MGA: variants seen among roughly 807,000 people sequenced by gnomAD.
The protein encoded by MGA is MAX dimerization protein MGA.
Under a neutral mutation model 261.1 loss-of-function variants are expected in MGA, and 40 were observed. The ratio of observed to expected loss-of-function variants is 0.15; its 90% confidence interval spans 0.12 to 0.20. The LOEUF is 0.20. Among genes scored for constraint, MGA ranks in the 10% least tolerant of loss-of-function variants. The pLI, the probability that MGA is intolerant of heterozygous loss-of-function variation, is 1.00. For synonymous variants in MGA, 1,302 were observed against 1,290.6 expected (o/e 1.01, Z -0.19); for missense variants, 3,397 against 3,630.5 (o/e 0.94, Z 1.65).
intron 7 of MGA, among the ~76,000 whole-genome samples, chr15:41,708,904 G>C (rs2060246129): frequency 6.6e-6 from 1 of 152,156 alleles, no homozygotes; most frequent in African/African-American, 2.4e-5. Context: ...CGTTCTTAGT[G>C]CTTTTCCTTG....
intron 1 of MGA, among the ~76,000 whole-genome samples, chr15:41,666,664 T>G (rs1326115009): frequency 6.6e-6 from 1 of 152,266 alleles, no homozygotes; most frequent in African/African-American, 2.4e-5. Flanking sequence ...ATATATCTTG[T>G]AGATACTTTT....
intron 5 of MGA, among the ~76,000 whole-genome samples, chr15:41,706,073 C>A (rs953252032): frequency 1.4e-4 from 21 of 151,898 alleles, no homozygotes; most frequent in South Asian, 2.1e-4. Context: ...CCCGTCTCTA[C>A]TAAAAATACA....
Position 41,630,502 on chromosome 15 carries a change from C to T in MGA, c.-68+9204C>T, listed in dbSNP as rs556317679. ...ATTAAAAACTAAATCTTACAATACA[C>T]GATCATATGGATCATTAGCTGAGAT... On this transcript the variant is annotated intron_variant, in intron 1 of 8. Coordinates refer to the MGA transcript ENST00000566718. Among the ~76,000 whole-genome samples, 115 of 152,270 alleles carry T rather than the reference C, an allele frequency of 7.6e-4. 2 individuals are homozygous for T. Among genetic ancestry groups the T allele is most frequent in the African/African-American group, 2.5e-3 (104 of 41,550 alleles).
chr15:41,683,295 C>G (rs2058770239), intron 2 of MGA, among the ~76,000 whole-genome samples: 2 of 151,398 alleles, frequency 1.3e-5, no homozygotes, highest in African/African-American at 4.9e-5. Context: ...CCATGGCTCA[C>G]TGCAAGCTTG....
chr15:41,704,006 T>C (rs959963312), intron 5 of MGA, among the ~76,000 whole-genome samples: 2 of 151,814 alleles, frequency 1.3e-5, no homozygotes, highest in Non-Finnish European at 2.9e-5. Context: ...AGAGATGGGG[T>C]TTTGCCATGT....
Position 41,727,399 on chromosome 15 carries a change from A to G in MGA, c.3650A>G (p.Asn1217Ser), listed in dbSNP as rs377081178. Residue 1217 changes from asparagine to serine, a missense_variant, in exon 10 of 24, where the codon AAT (asparagine) becomes AGT (serine). Coordinates refer to ENST00000219905, the MANE Select transcript of MGA (RefSeq NM_001164273.2). Reference sequence around the variant, plus strand: ...CCACGGTCATATACTCCCAAACCCAATCCTGTGGTAAGTCTGGAATTTAAT... The same window carrying G: ...CCACGGTCATATACTCCCAAACCCAGTCCTGTGGTAAGTCTGGAATTTAAT... 116 of 1,611,952 alleles carry G rather than the reference A, an allele frequency of 7.2e-5. No individual in the cohort carries two copies. The Admixed American group carries it at 9.7e-4, about 13-fold the overall frequency.
chr15:41,626,530 C>G (rs904401040), intron 1 of MGA, among the ~76,000 whole-genome samples: 1 of 152,068 alleles, frequency 6.6e-6, no homozygotes, highest in Admixed American at 6.6e-5. Flanking sequence ...TCAAGTGATT[C>G]TCCTGCCTCA....
intron 1 of MGA, among the ~76,000 whole-genome samples, chr15:41,647,251 G>A (rs1218487112): frequency 6.6e-6 from 1 of 152,134 alleles, no homozygotes; most frequent in Non-Finnish European, 1.5e-5. Flanking sequence ...AAGCTCATTC[G>A]TAGATTCTAG....
At chr15:41,755,610 G>A (rs532561172) in intron 18 of MGA, among the ~76,000 whole-genome samples, 5 of 152,302 alleles carry the variant, frequency 3.3e-5, no homozygotes, top group Middle Eastern at 3.4e-3. Context: ...ATTGAAAGAC[G>A]AAGAGGAATT....
At chr15:41,679,447 A>T (rs548157543) in intron 2 of MGA, among the ~76,000 whole-genome samples, 9 of 152,170 alleles carry the variant, frequency 5.9e-5, no homozygotes, top group African/African-American at 2.2e-4. Flanking sequence ...TGAACATGGG[A>T]TATCTTTCCA....
intron 17 of MGA, among the ~76,000 whole-genome samples, chr15:41,752,554 T>TTG (rs2062894931): frequency 6.8e-6 from 1 of 146,796 alleles, no homozygotes; most frequent in Non-Finnish European, 1.5e-5. Context: ...TTAAAGTTTT[T>TTG]TTTTTTTTTT....
chr15:41,656,924 C>T (rs1245740408), upstream of MGA, among the ~76,000 whole-genome samples: 1 of 152,062 alleles, frequency 6.6e-6, no homozygotes, highest in East Asian at 1.9e-4. Context: ...CTGCAGGCAC[C>T]ACCACACTTG....
intron 23 of MGA, 121 bp downstream of exon 23, chr15:41,765,183 C>G (rs2063736248): frequency 1.5e-5 from 18 of 1,203,338 alleles, no homozygotes; most frequent in Non-Finnish European, 2.0e-5. Context: ...TGGCATTTGC[C>G]TTGGTAAGAG....
At chr15:41,727,140 G>C in intron 9 of MGA, 40 bp from the exon 10 acceptor site, 1 of 1,523,442 alleles carries the variant, frequency 6.6e-7, no homozygotes, top group Non-Finnish European at 8.9e-7. Context: ...ATCTTTTGTT[G>C]CCAAAAGTAC....
At chr15:41,754,670 C>G in intron 18 of MGA, 103 bp downstream of exon 18, 1 of 1,280,982 alleles carries the variant, frequency 7.8e-7, no homozygotes, top group Non-Finnish European at 1.0e-6. Context: ...CTGGTTCCTT[C>G]TTCCTCTAGC....
intron 1 of MGA, among the ~76,000 whole-genome samples, chr15:41,647,641 T>A (rs1370913704): frequency 6.6e-6 from 1 of 152,194 alleles, no homozygotes; most frequent in East Asian, 1.9e-4. Flanking sequence ...ACCTGTCATC[T>A]AAATGTCTGT....
intron 1 of MGA, among the ~76,000 whole-genome samples, chr15:41,661,139 T>G (rs1478318543): frequency 2.0e-5 from 3 of 152,092 alleles, no homozygotes; most frequent in Admixed American, 1.3e-4. Context: ...GAGTGGGGAC[T>G]TGGTAAACAA....
intron 1 of MGA, among the ~76,000 whole-genome samples, chr15:41,622,009 T>G (rs2056306110): frequency 9.4e-6 from 1 of 106,726 alleles, no homozygotes; most frequent in African/African-American, 3.7e-5. Context: ...ATGACGAGGT[T>G]GGCAGCGCGT....
intron 23 of MGA, 64 bp downstream of exon 23, chr15:41,765,126 C>A: frequency 6.4e-7 from 1 of 1,551,070 alleles, no homozygotes; most frequent in Non-Finnish European, 8.9e-7. Context: ...TCACGGTGAC[C>A]AAGGAAGGCT....
Sources: allele counts gnomAD v4.1 joint callset (sites outside exome capture counted in the v4.1 genomes callset), GRCh38; gene constraint gnomAD v4.1.1; transcripts MANE v1.5; gene names NCBI Gene and HGNC (gene_info 2026-07-23, HGNC 2026-07-21).